The following ZNF667 variants were observed in gnomAD, a reference collection of about 807,000 sequenced individuals.
ZNF667 encodes the protein zinc finger protein 667.
Under a neutral mutation model 31.8 loss-of-function variants are expected in ZNF667, and 13 were observed. That is an observed-to-expected ratio of 0.41 (90% CI 0.27 to 0.65). ZNF667 has a LOEUF of 0.65. Among genes scored for constraint, ZNF667 ranks in the 30% least tolerant of loss-of-function variants. The pLI, the probability that ZNF667 is intolerant of heterozygous loss-of-function variation, is 0.32. For missense variants in ZNF667, 642 were observed against 725.6 expected (o/e 0.88, Z 1.32); for synonymous variants, 228 against 247.1 (o/e 0.92, Z 0.73).
chr19:56,462,317 G>A (rs2043062153), intron 4 of ZNF667, 21 bp downstream of exon 4: 4 of 1,614,148 alleles, frequency 2.5e-6, no homozygotes, highest in Non-Finnish European at 3.4e-6. Context: ...TGTTCCGGAA[G>A]GAAGAGGAAT....
chr19:56,467,122 C>G, intron 3 of ZNF667: 1 of 450,314 alleles, frequency 2.2e-6, no homozygotes, highest in East Asian at 7.0e-5. Flanking sequence ...GGAGGGGCCT[C>G]TAATTAGCAC....
chr19:56,441,104 A>G lies in ZNF667; in HGVS notation c.*58T>C. On this transcript the variant is annotated 3_prime_UTR_variant, in exon 7 of 7. Transcript: ENST00000504904. The surrounding 1 kb of genome is among the most constrained non-coding windows in gnomAD (Gnocchi z 4.2). ...CACAAAATTTACATTATAGACAAATACATATTTGCCATATGTTTGATAGCC... is the reference window on the plus strand; with the variant it reads ...CACAAAATTTACATTATAGACAAATGCATATTTGCCATATGTTTGATAGCC... 3 of 1,534,316 alleles carry G rather than the reference A, an allele frequency of 2.0e-6. No individual in the cohort carries two copies. Among genetic ancestry groups the G allele is most frequent in the Non-Finnish European group, 2.6e-6 (3 of 1,143,178 alleles).
intron 6 of ZNF667, 25 bp from the exon 7 acceptor site, chr19:56,442,766 G>T: frequency 1.3e-6 from 2 of 1,499,420 alleles, no homozygotes; most frequent in South Asian, 1.4e-5. Context: ...GGAATTAAAT[G>T]TTTCTCCTTT....
At chr19:56,452,305 C>A (rs550377222) in intron 6 of ZNF667, among the ~76,000 whole-genome samples, 91 of 152,210 alleles carry the variant, frequency 6.0e-4, no homozygotes, top group African/African-American at 2.1e-3. Context: ...CCACCTCGGC[C>A]TCCCAAAGTG....
chr19:56,447,150 GA>G (rs35935673), intron 6 of ZNF667, among the ~76,000 whole-genome samples: 29,465 of 151,364 alleles, frequency 0.19, 3,040 homozygotes, highest in Middle Eastern at 0.29. Flanking sequence ...ACACAAAAAT[GA>G]AAAAAACTTT....
chr19:56,453,420 A>G (rs1314476252), intron 6 of ZNF667, among the ~76,000 whole-genome samples: 1 of 152,142 alleles, frequency 6.6e-6, no homozygotes, highest in Non-Finnish European at 1.5e-5. Context: ...TCAAAAAAAG[A>G]GCTTAATATT....
Position 56,440,728 on chromosome 19 carries a change from C to T in ZNF667, c.*434G>A, listed in dbSNP as rs2042584202. On this transcript the variant is annotated 3_prime_UTR_variant, in exon 7 of 7. Transcript: ENST00000504904. ...CTCTGCTCGGTGCAACCCCCACCTC[C>T]TGGGTTCAAGCGATTCTCCTGCCTC... 3.5e-6 allele frequency: 2 copies of T among 575,104 alleles called. No homozygotes were observed. The highest frequency in any genetic ancestry group is 5.4e-5 in the Admixed American group (1 of 18,520). 35.6% of individuals were successfully genotyped at this position (575,104 alleles called of 1,614,324 possible).
intron 1 of ZNF667, chr19:56,475,651 C>A (rs967546382): frequency 6.6e-6 from 1 of 152,268 alleles, no homozygotes; most frequent in African/African-American, 2.4e-5. Context: ...AACTATCTGG[C>A]CCCAAATGTC....
At chr19:56,463,701 T>G in intron 3 of ZNF667, among the ~76,000 whole-genome samples, 1 of 152,044 alleles carries the variant, frequency 6.6e-6, no homozygotes, top group Non-Finnish European at 1.5e-5. Context: ...CTAATTTTTG[T>G]ATTTTTCAGA....
In ZNF667 at chr19:56,460,701, G is replaced by A; in HGVS notation, c.148C>T (p.Leu50=). 1 of 1,612,028 alleles carries A rather than the reference G, an allele frequency of 6.2e-7. No individual in the cohort carries two copies. Among genetic ancestry groups the A allele is most frequent in the Non-Finnish European group, 8.5e-7 (1 of 1,179,184 alleles). ...CGAAGAGCCTTACCAAGCGAGACCA[G>A]GTTCCGGTAATTCTCCAACATGACA... The part of the protein sequence containing the change: ...EDVMLENYRN[L]VSLGLSFRRP... Residue 50 remains leucine, a synonymous_variant, in exon 5 of 7, where the codon CTG becomes TTG. Coordinates refer to ENST00000504904, the MANE Select transcript of ZNF667 (RefSeq NM_001321356.2).
chr19:56,460,709 T>C lies in ZNF667; in HGVS notation c.140A>G (p.Tyr47Cys). ...DLYEDVMLEN[Y>C]RNLVSLGLSF... ...CTTACCAAGCGAGACCAGGTTCCGG[T>C]AATTCTCCAACATGACATCTTCATA... Residue 47 changes from tyrosine to cysteine, a missense_variant, in exon 5 of 7, where the codon TAC becomes TGC. Transcript: ENST00000504904. 1 of 1,612,226 alleles carries C rather than the reference T, an allele frequency of 6.2e-7. No individual in the cohort carries two copies. The highest frequency in any genetic ancestry group is 1.1e-5 in the South Asian group (1 of 90,718).
chr19:56,475,024 A>G (rs1233445283), intron 1 of ZNF667: 1 of 152,164 alleles, frequency 6.6e-6, no homozygotes, highest in Non-Finnish European at 1.5e-5. Context: ...CAATCAAGTG[A>G]TACCAAAGGG....
chr19:56,470,803 C>T (rs975299781), intron 3 of ZNF667, among the ~76,000 whole-genome samples: 1 of 152,142 alleles, frequency 6.6e-6, no homozygotes, highest in Admixed American at 6.5e-5. Flanking sequence ...AGGTTTCCTT[C>T]GTACAGAGAT....
At chr19:56,454,618 GAT>G (rs1410210756) in intron 6 of ZNF667, among the ~76,000 whole-genome samples, 2 of 141,228 alleles carry the variant, frequency 1.4e-5, no homozygotes, top group Non-Finnish European at 3.2e-5. Context: ...GGAAAAACTG[GAT>G]ATCCACATGC....
chr19:56,473,628 T>G (rs553860083), intron 2 of ZNF667, among the ~76,000 whole-genome samples: 1 of 152,278 alleles, frequency 6.6e-6, no homozygotes, highest in East Asian at 1.9e-4. Context: ...GGGGTGCCCC[T>G]GGCATCTAGT....
rs780301969 is a variant in ZNF667, at chr19:56,441,638, C to T, written c.1357G>A (p.Gly453Ser). 9.3e-6 allele frequency: 15 copies of T among 1,613,880 alleles called. No individual in the cohort carries two copies. The highest frequency in any genetic ancestry group is 2.2e-5 in the East Asian group (1 of 44,882). The change falls in exon 7 of 7, where the codon GGC becomes AGC. Residue 453 changes from glycine to serine, a missense_variant. By Grantham distance (56) the Gly-to-Ser change is moderately conservative. Coordinates refer to ENST00000504904, the MANE Select transcript of ZNF667 (RefSeq NM_001321356.2). The surrounding 1 kb of genome is among the most constrained non-coding windows in gnomAD (Gnocchi z 4.2). ...FKCNKCSKVFGRQSFLIEHQR... is the reference protein window; with the variant it reads ...FKCNKCSKVFSRQSFLIEHQR... ...TGTTCAATAAGAAATGATTGGCGGC[C>T]GAAAACTTTACTACATTTATTGCAT...
Position 56,447,522 on chromosome 19 carries a change from T to C in ZNF667, c.254-4781A>G, listed in dbSNP as rs1330683330. On this transcript the variant is annotated intron_variant, in intron 6 of 6. Coordinates refer to ENST00000504904, the MANE Select transcript of ZNF667 (RefSeq NM_001321356.2). ...ACTGCTTGAGCCCAGGAGTTTAAGG[T>C]TGCAGTGAGCCATGACTGCACCACT... is the stretch of plus-strand genomic sequence containing the variant. Among the ~76,000 whole-genome samples, 6 of 152,046 alleles carry C rather than the reference T, an allele frequency of 3.9e-5. No homozygotes were observed. The East Asian group carries it at 1.2e-3, about 29-fold the overall frequency.
chr19:56,475,035 T>C (rs535056676), intron 1 of ZNF667: 13 of 152,240 alleles, frequency 8.5e-5, no homozygotes, highest in African/African-American at 2.9e-4. Flanking sequence ...TACCAAAGGG[T>C]CACTGCTGGT....
At chr19:56,461,026 T>G (rs1158270940) in intron 4 of ZNF667, among the ~76,000 whole-genome samples, 2 of 152,224 alleles carry the variant, frequency 1.3e-5, no homozygotes, top group Non-Finnish European at 2.9e-5. Context: ...TTATGTTGCA[T>G]TAAGAACACG....
Sources: gnomAD v4.1 joint callset for allele counts (sites outside exome capture counted in the v4.1 genomes callset) on GRCh38, gnomAD v4.1.1 for gene constraint, Gnocchi (gnomAD v3.1) non-coding constraint, MANE v1.5 for transcripts, NCBI Gene and HGNC (gene_info 2026-07-23, HGNC 2026-07-21) for gene names.